The following CACNA1C variants were observed in gnomAD, a reference collection of about 807,000 sequenced individuals.
CACNA1C encodes calcium voltage-gated channel subunit alpha1 C.
In CACNA1C, 30 loss-of-function variants were observed where a neutral mutation model predicts 229.0. The observed-to-expected ratio is 0.13, with a 90% CI of 0.10 to 0.18. CACNA1C has a LOEUF of 0.18. Ranked by LOEUF, CACNA1C falls within the 10% of genes least tolerant of loss-of-function variation. The pLI is 1.00. For missense variants in CACNA1C, 1,658 were observed against 2,845.0 expected (o/e 0.58, Z 9.49); for synonymous variants, 1,114 against 1,132.5 (o/e 0.98, Z 0.33).
chr12:2,393,636 A>G (rs1158110622), intron 3 of CACNA1C, among the ~76,000 whole-genome samples: 6 of 152,232 alleles, frequency 3.9e-5, no homozygotes, highest in Non-Finnish European at 1.5e-5. Context: ...CAGAGATGAA[A>G]TGATGTTTAT....
chr12:2,453,719 C>T (rs1056845482), intron 4 of CACNA1C, among the ~76,000 whole-genome samples: 1 of 152,142 alleles, frequency 6.6e-6, no homozygotes, highest in South Asian at 2.1e-4. Context: ...CATAGTCCCT[C>T]GCCTGTTCAG....
intron 29 of CACNA1C, among the ~76,000 whole-genome samples, chr12:2,622,945 C>A (rs191502649): frequency 6.6e-6 from 1 of 152,262 alleles, no homozygotes; most frequent in Admixed American, 6.5e-5. Context: ...TGGGGATAAC[C>A]CTGACCACAG....
intron 11 of CACNA1C, among the ~76,000 whole-genome samples, chr12:2,565,204 C>T (rs548175764): frequency 2.0e-5 from 3 of 151,598 alleles, no homozygotes; most frequent in East Asian, 1.9e-4. Flanking sequence ...CGCGGTGGCT[C>T]ACGCCTGTAA....
At chr12:2,473,751 A>T (rs2099605080) in intron 5 of CACNA1C, among the ~76,000 whole-genome samples, 1 of 152,206 alleles carries the variant, frequency 6.6e-6, no homozygotes, top group South Asian at 2.1e-4. Context: ...TCCCTCCAAA[A>T]ATATATTTTA....
At chr12:2,690,504 T>C (rs2097763003) in intron 46 of CACNA1C, among the ~76,000 whole-genome samples, 1 of 152,158 alleles carries the variant, frequency 6.6e-6, no homozygotes, top group Non-Finnish European at 1.5e-5. Context: ...TAATTATTCT[T>C]AAATTTTTTG....
chr12:2,184,767 C>T (rs891235983), intron 3 of CACNA1C, among the ~76,000 whole-genome samples: 2 of 152,154 alleles, frequency 1.3e-5, no homozygotes, highest in African/African-American at 2.4e-5. Context: ...AACAAGGCGC[C>T]GTGGAGAGGC....
chr12:2,106,066 GA>G (rs2078352852), intron 1 of CACNA1C, among the ~76,000 whole-genome samples: 1 of 48,706 alleles, frequency 2.1e-5, no homozygotes, highest in African/African-American at 6.2e-5. Flanking sequence ...CCACCCTGGA[GA>G]AGGTTTCCAC....
In CACNA1C at chr12:2,067,511, C is replaced by T. The variant is rs1455886424; in HGVS notation, c.49+13900C>T. Among the ~76,000 whole-genome samples, 1 of 148,348 alleles carries T rather than the reference C, an allele frequency of 6.7e-6. No individual in the cohort carries two copies. On this transcript the variant is annotated intron_variant, in intron 1 of 46. Coordinates refer to ENST00000399655, the MANE Select transcript of CACNA1C (RefSeq NM_000719.7). The surrounding 1 kb of genome is among the most constrained non-coding windows in gnomAD (Gnocchi z 5.3). ...GCGTGTGCGTGCCTGTATGTAAGGG[C>T]AGGCACATGAAGACAGACTTTATTG... is the stretch of plus-strand genomic sequence containing the variant.
intron 3 of CACNA1C, among the ~76,000 whole-genome samples, chr12:2,374,204 G>A (rs1037097019): frequency 3.3e-5 from 5 of 152,188 alleles, no homozygotes; most frequent in Admixed American, 2.6e-4. Flanking sequence ...TCATCTCTCT[G>A]CCTTCCTCTG....
intron 1 of CACNA1C, among the ~76,000 whole-genome samples, chr12:2,019,591 GAA>G (rs1401764125): frequency 6.5e-5 from 9 of 138,512 alleles, no homozygotes; most frequent in Non-Finnish European, 9.4e-5. Context: ...GAGAGAGAAA[GAA>G]AGAGAAGGAA....
intron 3 of CACNA1C, among the ~76,000 whole-genome samples, chr12:2,333,450 G>A (rs558212846): frequency 2.6e-5 from 4 of 152,178 alleles, no homozygotes; most frequent in Non-Finnish European, 5.9e-5. Flanking sequence ...ATTTCCTCAA[G>A]CTTGTTATTA....
At chr12:2,417,202 G>A (rs150748713) in intron 3 of CACNA1C, among the ~76,000 whole-genome samples, 166 of 152,336 alleles carry the variant, frequency 1.1e-3, no homozygotes, top group Non-Finnish European at 1.7e-3. Flanking sequence ...GTTTCCATGC[G>A]TGGGGAGACT....
At chr12:2,042,597 G>A (rs2154494884) in intron 1 of CACNA1C, among the ~76,000 whole-genome samples, 1 of 152,194 alleles carries the variant, frequency 6.6e-6, no homozygotes, top group Admixed American at 6.5e-5. Flanking sequence ...TGGTGTCCTG[G>A]GGGCATTCAC....
intron 10 of CACNA1C, 39 bp from the exon 11 acceptor site, chr12:2,556,912 G>T (rs746448163): frequency 6.3e-7 from 1 of 1,586,302 alleles, no homozygotes; most frequent in South Asian, 1.1e-5. Context: ...ATGCACGTGT[G>T]TGTCCATCCT....
intron 3 of CACNA1C, among the ~76,000 whole-genome samples, chr12:2,379,770 G>A (rs1004146413): frequency 4.6e-5 from 7 of 152,012 alleles, no homozygotes; most frequent in Admixed American, 6.5e-5. Flanking sequence ...GGTGGCTCAC[G>A]CCTGTAATCC....
chr12:2,326,468 G>A (rs972259860), intron 3 of CACNA1C, among the ~76,000 whole-genome samples: 1 of 152,166 alleles, frequency 6.6e-6, no homozygotes, highest in Non-Finnish European at 1.5e-5. Flanking sequence ...ACCTTCAGCT[G>A]GGCCCTGGAA....
intron 3 of CACNA1C, among the ~76,000 whole-genome samples, chr12:2,213,819 GCTGCTGCT>G (rs1191403190): frequency 2.0e-5 from 3 of 152,230 alleles, no homozygotes; most frequent in Non-Finnish European, 4.4e-5. Flanking sequence ...TCACGGATGG[GCTGCTGCT>G]CTCGCACTGC....
At chr12:2,130,288 ATC>A (rs1276303010) in intron 3 of CACNA1C, among the ~76,000 whole-genome samples, 2 of 140,666 alleles carry the variant, frequency 1.4e-5, no homozygotes, top group African/African-American at 2.7e-5. Flanking sequence ...ACATTTAAAT[ATC>A]TCTTTTTTTT....
intron 3 of CACNA1C, among the ~76,000 whole-genome samples, chr12:2,412,221 G>GC (rs1236816133): frequency 1.3e-5 from 2 of 152,048 alleles, no homozygotes; most frequent in South Asian, 2.1e-4. Flanking sequence ...TACCACAAAG[G>GC]CCCCCCACAA....
Sources: gnomAD v4.1 joint callset for allele counts (sites outside exome capture counted in the v4.1 genomes callset) on GRCh38, gnomAD v4.1.1 for gene constraint, Gnocchi (gnomAD v3.1) non-coding constraint, MANE v1.5 for transcripts, NCBI Gene and HGNC (gene_info 2026-07-23, HGNC 2026-07-21) for gene names.